DPEP1: variants seen among roughly 807,000 people sequenced by gnomAD.
DPEP1 encodes dipeptidase 1, also known as beta-lactamase.
Under a neutral mutation model 42.3 loss-of-function variants are expected in DPEP1, and 50 were observed. The ratio of observed to expected loss-of-function variants is 1.18; its 90% confidence interval spans 0.94 to 1.50. DPEP1 has a LOEUF of 1.50. Ranked by LOEUF, DPEP1 falls within the 40% of genes most tolerant of loss-of-function variation. The pLI, the probability that DPEP1 is intolerant of heterozygous loss-of-function variation, is 0.00. For synonymous variants in DPEP1, 297 were observed against 234.0 expected (o/e 1.27, Z -2.46); for missense variants, 663 against 553.0 (o/e 1.20, Z -1.99).
Position 89,635,256 on chromosome 16 carries a change from C to A in DPEP1, c.105-652C>A, listed in dbSNP as rs77689478. ...CATTTTTCCTCACGAGAGCTCCTAC[C>A]CTCACCACCACCAGCTCCTGGGAAA... On this transcript the variant is annotated intron_variant, in intron 2 of 10. Coordinates refer to ENST00000690203, the MANE Select transcript of DPEP1 (RefSeq NM_001389466.1). 6.0e-3 allele frequency among the ~76,000 whole-genome samples: 909 copies of A among 151,682 alleles called. 43 individuals carry two copies. The highest frequency in any genetic ancestry group is 0.021 in the African/African-American group (875 of 41,072).
At chr16:89,624,790 C>T (rs1016765116) in intron 1 of DPEP1, among the ~76,000 whole-genome samples, 4 of 152,182 alleles carry the variant, frequency 2.6e-5, no homozygotes, top group African/African-American at 9.7e-5. Flanking sequence ...CCGCCGCACT[C>T]TCCCAAAGTG....
At chr16:89,616,672 C>T (rs1396771029) in intron 1 of DPEP1, among the ~76,000 whole-genome samples, 4 of 152,104 alleles carry the variant, frequency 2.6e-5, no homozygotes, top group East Asian at 1.9e-4. Context: ...CAGATTGGGA[C>T]GGCTGGGCCT....
chr16:89,620,305 G>A (rs1489253399), intron 1 of DPEP1, among the ~76,000 whole-genome samples: 1 of 152,074 alleles, frequency 6.6e-6, no homozygotes, highest in Non-Finnish European at 1.5e-5. Context: ...CACGACCTGG[G>A]ACCCCCAGGC....
At position 89,636,059 on chromosome 16, in the gene DPEP1, T is replaced by C; in HGVS notation, c.237+19T>C. The C allele has an allele frequency of 1.3e-6, 2 of 1,598,138 alleles. No individual in the cohort carries two copies. Among genetic ancestry groups the C allele is most frequent in the Non-Finnish European group, 1.7e-6 (2 of 1,172,640 alleles). On this transcript the variant is annotated intron_variant, in intron 3 of 10. Coordinates refer to ENST00000690203, the MANE Select transcript of DPEP1 (RefSeq NM_001389466.1). ...AGGCCAGGTACCGCCTGCCCTGCCT[T>C]GTGCTTGCCCTGTGTGGGGTCATCC... is the stretch of plus-strand genomic sequence containing the variant.
chr16:89,616,826 G>C (rs2059383020), intron 1 of DPEP1: 1 of 264,994 alleles, frequency 3.8e-6, no homozygotes, highest in South Asian at 3.0e-5. Flanking sequence ...CCAGGAAGTG[G>C]CCAGGAAGCG....
intron 1 of DPEP1, among the ~76,000 whole-genome samples, chr16:89,614,393 T>C (rs2059361095): frequency 6.6e-6 from 1 of 152,208 alleles, no homozygotes; most frequent in Non-Finnish European, 1.5e-5. Context: ...ACTTACTCTC[T>C]GTTCTGGAAT....
chr16:89,616,791 T>TGGGCAGGAAGC (rs1382827857), intron 1 of DPEP1: 1 of 263,994 alleles, frequency 3.8e-6, no homozygotes, highest in African/African-American at 2.4e-5. Flanking sequence ...AGGCAGGAAG[T>TGGGCAGGAAGC]GGGCAGGAAG....
chr16:89,616,479 C>T (rs1401366668), intron 1 of DPEP1, among the ~76,000 whole-genome samples: 1 of 152,172 alleles, frequency 6.6e-6, no homozygotes, highest in Non-Finnish European at 1.5e-5. Flanking sequence ...CAGGAGGCAT[C>T]TGCATCCCCG....
intron 1 of DPEP1, among the ~76,000 whole-genome samples, chr16:89,620,284 TG>T (rs947360968): frequency 1.1e-4 from 17 of 151,864 alleles, no homozygotes; most frequent in South Asian, 2.1e-4. Context: ...GGTCTGCCAG[TG>T]GGGGGGACAC....
chr16:89,634,491 C>G lies in DPEP1; in HGVS notation c.105-1417C>G, dbSNP rs117930424. 0.011 allele frequency among the ~76,000 whole-genome samples: 1,658 copies of G among 149,150 alleles called. 290 individuals are homozygous for G. The East Asian group carries it at 0.38, about 34-fold the overall frequency. ...CCCTCTGGGATCCTCACTCAGCCAC[C>G]AGCTCTGACAGCCCCAGCTCCCCCT... On this transcript the variant is annotated intron_variant, in intron 2 of 10. Transcript: ENST00000690203.
chr16:89,636,483 C>G, intron 4 of DPEP1, 50 bp from the exon 5 acceptor site: 1 of 1,599,870 alleles, frequency 6.3e-7, no homozygotes, highest in South Asian at 1.1e-5. Context: ...GGACACCTCA[C>G]CCTCCAGATA....
intron 2 of DPEP1, among the ~76,000 whole-genome samples, chr16:89,633,799 T>G (rs1019406023): frequency 4.0e-5 from 4 of 101,262 alleles, no homozygotes; most frequent in Admixed American, 9.8e-5. Context: ...GGCACAGGGA[T>G]GGGTCTGGAA....
intron 2 of DPEP1, among the ~76,000 whole-genome samples, chr16:89,634,308 C>G (rs1282363655): frequency 1.3e-5 from 2 of 152,102 alleles, no homozygotes; most frequent in Non-Finnish European, 2.9e-5. Context: ...AGGATGATCT[C>G]GATCTCCTGA....
chr16:89,621,460 G>T (rs1316328645), intron 1 of DPEP1, among the ~76,000 whole-genome samples: 1 of 152,198 alleles, frequency 6.6e-6, no homozygotes, highest in Non-Finnish European at 1.5e-5. Flanking sequence ...CATCAGCCTG[G>T]TCAGGAGCCA....
chr16:89,625,154 C>G (rs1230668010), intron 1 of DPEP1, among the ~76,000 whole-genome samples: 1 of 152,130 alleles, frequency 6.6e-6, no homozygotes, highest in African/African-American at 2.4e-5. Context: ...GCCTCGGACT[C>G]TCTCCCCCTG....
chr16:89,626,445 G>C (rs566311021), intron 1 of DPEP1: 11 of 152,310 alleles, frequency 7.2e-5, no homozygotes, highest in African/African-American at 2.4e-4. Context: ...CCACCTCCCG[G>C]GTTCAAGCAA....
intron 2 of DPEP1, among the ~76,000 whole-genome samples, chr16:89,632,123 C>T (rs1230197274): frequency 3.9e-5 from 6 of 152,182 alleles, no homozygotes; most frequent in South Asian, 2.1e-4. Context: ...GATCTCAGCT[C>T]GCTGCAACCT....
intron 1 of DPEP1, among the ~76,000 whole-genome samples, chr16:89,621,724 G>T (rs76465900): frequency 0.023 from 3,469 of 152,310 alleles, 132 homozygotes; most frequent in African/African-American, 0.08. Flanking sequence ...GCATGCACGT[G>T]TGTCTGTGTG....
intron 1 of DPEP1, among the ~76,000 whole-genome samples, chr16:89,621,041 G>GTGA (rs910988074): frequency 6.6e-6 from 1 of 151,992 alleles, no homozygotes; most frequent in African/African-American, 2.4e-5. Flanking sequence ...GCAGTGAAGG[G>GTGA]TGAGGCTCTC....
Sources: gnomAD v4.1 joint callset for allele counts (sites outside exome capture counted in the v4.1 genomes callset) on GRCh38, gnomAD v4.1.1 for gene constraint, MANE v1.5 for transcripts, NCBI Gene and HGNC (gene_info 2026-07-23, HGNC 2026-07-21) for gene names.